PLCG2: variants seen among roughly 807,000 people sequenced by gnomAD.
PLCG2 encodes the protein phospholipase C gamma 2, also known as 1-phosphatidylinositol 4,5-bisphosphate phosphodiesterase gamma-2.
In PLCG2, 69 loss-of-function variants were observed where a neutral mutation model predicts 175.6. The ratio of observed to expected loss-of-function variants is 0.39; its 90% CI spans 0.32 to 0.48. The LOEUF (loss-of-function observed/expected upper bound fraction) is 0.48. Among genes scored for constraint, PLCG2 ranks in the 20% least tolerant of loss-of-function variants. The probability of loss-of-function intolerance (pLI) is 0.91; values close to 1 mark genes in which losing one functional copy is unlikely to be tolerated. For synonymous variants in PLCG2, 827 were observed against 624.0 expected, an observed-to-expected ratio of 1.33 and a Z score of -4.85; for missense variants, 1,798 against 1,650.9, an observed-to-expected ratio of 1.09 and a Z score of -1.54.
intron 7 of PLCG2, among the ~76,000 whole-genome samples, chr16:81,876,908 A>G (rs1433132806): frequency 1.3e-5 from 2 of 152,246 alleles, no homozygotes; most frequent in African/African-American, 2.4e-5. Context: ...TTGTGTGTAC[A>G]TATGTACGTG....
intron 13 of PLCG2, chr16:81,898,705 T>C (rs1341638869): frequency 6.6e-6 from 1 of 152,196 alleles, no homozygotes; most frequent in African/African-American, 2.4e-5. Context: ...AGTATATTTC[T>C]TGGATAACTG....
rs377757324 is a variant in PLCG2 at position 81,893,794 on chromosome 16, C to T, written c.1072C>T (p.Leu358=). The T allele has an allele frequency of 2.8e-5, 44 of 1,599,700 alleles. No homozygotes were observed. Among genetic ancestry groups the T allele is most frequent in the African/African-American group, 2.0e-4 (15 of 74,630 alleles). ...CLRMGCRCIE[L]DCWDGPDGKP... ...GCGCATGGGCTGTCGCTGCATTGAACGTGAGTAGCTCCTTCTTGGTGGAGG... is the reference window on the plus strand; with the variant it reads ...GCGCATGGGCTGTCGCTGCATTGAATGTGAGTAGCTCCTTCTTGGTGGAGG... Residue 358 remains leucine (L), a splice_region_variant and synonymous_variant, in exon 12 of 33, where the codon CTG becomes TTG. Transcript: ENST00000564138.
At chr16:81,834,638 C>A (rs78187745) in intron 2 of PLCG2, among the ~76,000 whole-genome samples, 12,852 of 140,698 alleles carry the variant, frequency 0.091, 623 homozygotes, top group Middle Eastern at 0.15. Context: ...GCTGGGGCTC[C>A]TTGAGGGATG....
intron 5 of PLCG2, among the ~76,000 whole-genome samples, chr16:81,863,541 T>TA (rs1907085390): frequency 6.6e-6 from 1 of 152,248 alleles, no homozygotes; most frequent in Admixed American, 6.5e-5. Context: ...GTCTCTGCTT[T>TA]AAATTCCTCT....
chr16:81,956,099 T>C (rs1340301650), intron 31 of PLCG2, among the ~76,000 whole-genome samples: 3 of 152,162 alleles, frequency 2.0e-5, no homozygotes, highest in East Asian at 3.8e-4. Flanking sequence ...TTAACCTACT[T>C]TGTCTCTGTG....
intron 22 of PLCG2, among the ~76,000 whole-genome samples, chr16:81,923,873 G>T (rs1356381041): frequency 6.6e-6 from 1 of 152,160 alleles, no homozygotes; most frequent in Non-Finnish European, 1.5e-5. Flanking sequence ...TTTCTAAGTG[G>T]CAAGCAGTCT....
At chr16:81,778,016 C>CAA (rs753644088), upstream of PLCG2, among the ~76,000 whole-genome samples, 1,138 of 49,008 alleles carry the variant, frequency 0.023, 29 homozygotes, top group African/African-American at 0.056. Context: ...GACTTTGTCT[C>CAA]AAAAAAAAAA....
At chr16:81,951,862 A>G (rs1425049894) in intron 31 of PLCG2, among the ~76,000 whole-genome samples, 1 of 152,266 alleles carries the variant, frequency 6.6e-6, no homozygotes, top group African/African-American at 2.4e-5. Context: ...GTATAATTTT[A>G]GAAAAAAGGT....
At chr16:81,853,339 AAAAC>A (rs1456810386) in intron 2 of PLCG2, among the ~76,000 whole-genome samples, 4 of 151,314 alleles carry the variant, frequency 2.6e-5, no homozygotes, top group Admixed American at 2.6e-4. Flanking sequence ...TCAAAAAAAA[AAAAC>A]AAAACAACAA....
chr16:81,778,032 C>CA (rs566484508), upstream of PLCG2, among the ~76,000 whole-genome samples: 6,698 of 57,422 alleles, frequency 0.12, 365 homozygotes, highest in Non-Finnish European at 0.15. Context: ...AAAAAAAAAA[C>CA]AAAAAAAAAA....
rs894116595 is a variant in PLCG2, at chr16:81,799,234, C to G, written c.193+13052C>G. Among the ~76,000 whole-genome samples, 6 of 152,218 alleles carry G rather than the reference C, an allele frequency of 3.9e-5. 1 individual carries two copies. Among genetic ancestry groups the G allele is most frequent in the Middle Eastern group, 6.8e-3 (2 of 294 alleles). On this transcript the variant is annotated intron_variant, in intron 2 of 32. Coordinates refer to ENST00000564138, the MANE Select transcript of PLCG2 (RefSeq NM_002661.5). Reference sequence around the variant, plus strand: ...AAAAACAACCCCTTAGCCCCCGCCACCCCCCTACCCAGAGAGATGGTGTTA... The same window carrying G: ...AAAAACAACCCCTTAGCCCCCGCCAGCCCCCTACCCAGAGAGATGGTGTTA...
intron 5 of PLCG2, 130 bp from the exon 6 acceptor site, chr16:81,869,084 T>G: frequency 1.4e-6 from 1 of 694,650 alleles, no homozygotes; most frequent in Admixed American, 2.2e-5. Context: ...TCCCAGTTAG[T>G]GGTCCATAAA....
In PLCG2 at chr16:81,957,958, T is replaced by A; in HGVS notation, c.3758T>A (p.Leu1253Ter). Residue 1253 changes from leucine to a stop codon, truncating the protein, a stop_gained and splice_region_variant, in exon 33 of 33, where the codon TTA (leucine) becomes TAA (stop). Transcript: ENST00000564138. LOFTEE classifies it high-confidence loss of function. ...TGGTGAAATCTGTTTTATTTCAGGTTAAGAGAGAAGAGAGTCAGCAACAGC... is the reference window on the plus strand; with the variant it reads ...TGGTGAAATCTGTTTTATTTCAGGTAAAGAGAGAAGAGAGTCAGCAACAGC... ...QLYQEKCNKR[L>*]REKRVSNSKF... 6.2e-7 allele frequency: 1 copy of A among 1,613,720 alleles called. No homozygotes were observed. Among genetic ancestry groups the A allele is most frequent in the South Asian group, 1.1e-5 (1 of 91,074 alleles).
At chr16:81,844,910 G>A (rs72832064) in intron 2 of PLCG2, among the ~76,000 whole-genome samples, 1,832 of 152,252 alleles carry the variant, frequency 0.012, 22 homozygotes, top group South Asian at 0.039. Context: ...AATGTTCACA[G>A]CAAATAAATT....
chr16:81,838,734 C>T (rs1464040489), intron 2 of PLCG2, among the ~76,000 whole-genome samples: 1 of 150,720 alleles, frequency 6.6e-6, no homozygotes, highest in Non-Finnish European at 1.5e-5. Context: ...ATGTAACAAA[C>T]CTGCACGTTC....
intron 1 of PLCG2, among the ~76,000 whole-genome samples, chr16:81,754,624 A>T (rs147514473): frequency 6.6e-6 from 1 of 150,760 alleles, no homozygotes; most frequent in African/African-American, 2.4e-5. Flanking sequence ...TAGGTGCTCA[A>T]TACTTGCTTT....
chr16:81,852,776 C>A (rs182830121), intron 2 of PLCG2, among the ~76,000 whole-genome samples: 8 of 152,172 alleles, frequency 5.3e-5, no homozygotes, highest in Non-Finnish European at 5.9e-5. Context: ...ACTGGGAGAG[C>A]TTGTCTGTGT....
intron 4 of PLCG2, 85 bp downstream of exon 4, chr16:81,858,441 A>G (rs1906797049): frequency 6.4e-5 from 24 of 372,660 alleles, no homozygotes; most frequent in South Asian, 4.0e-4. Flanking sequence ...CAGGGGGGAA[A>G]AAAAAAAAAA....
intron 2 of PLCG2, among the ~76,000 whole-genome samples, chr16:81,799,974 G>A (rs1476975838): frequency 6.6e-6 from 1 of 152,140 alleles, no homozygotes; most frequent in African/African-American, 2.4e-5. Context: ...AGGGATCCAG[G>A]GTCTGACTGC....
Sources: allele counts gnomAD v4.1 joint callset (sites outside exome capture counted in the v4.1 genomes callset), GRCh38; gene constraint gnomAD v4.1.1; transcripts MANE v1.5; gene names NCBI Gene and HGNC (gene_info 2026-07-23, HGNC 2026-07-21).